The following PTGFRN variants were observed in gnomAD, a reference collection of about 807,000 sequenced individuals.
PTGFRN encodes the protein prostaglandin F2 receptor negative regulator.
In PTGFRN, 35 loss-of-function variants were observed where a neutral mutation model predicts 83.2. The observed-to-expected ratio is 0.42, with a 90% CI of 0.32 to 0.56. The LOEUF is 0.56. Ranked by LOEUF, PTGFRN falls within the 20% of genes least tolerant of loss-of-function variation. The pLI is 0.11. For missense variants in PTGFRN, 1,051 were observed against 1,179.5 expected, an observed-to-expected ratio of 0.89 and a Z score of 1.60; for synonymous variants, 519 against 498.6, an observed-to-expected ratio of 1.04 and a Z score of -0.55.
chr1:116,946,579 A>G (rs1650207772), intron 3 of PTGFRN, among the ~76,000 whole-genome samples: 2 of 152,362 alleles, frequency 1.3e-5, no homozygotes, highest in African/African-American at 2.4e-5. Flanking sequence ...CAAACACACC[A>G]TGAGACCTAT....
Position 116,952,172 on chromosome 1 carries a change from A to T in PTGFRN, c.1213+2600A>T, listed in dbSNP as rs1165766835. On this transcript the variant is annotated intron_variant, in intron 4 of 8. Coordinates refer to ENST00000393203, the MANE Select transcript of PTGFRN (RefSeq NM_020440.4). The surrounding 1 kb of genome is among the most constrained non-coding windows in gnomAD (Gnocchi z 4.0). ...TATATGCATTAAATGTTCAATGTGA[A>T]AATATTTTTGGCCTTGGGACTCAGC... Among the ~76,000 whole-genome samples the T allele has an allele frequency of 6.6e-6, 1 of 152,214 alleles. No homozygotes were observed. The highest frequency in any genetic ancestry group is 1.5e-5 in the Non-Finnish European group (1 of 68,032).
At chr1:116,979,637 A>G (rs1254383850) in intron 7 of PTGFRN, among the ~76,000 whole-genome samples, 1 of 152,228 alleles carries the variant, frequency 6.6e-6, no homozygotes, top group Non-Finnish European at 1.5e-5. Flanking sequence ...TCCCTATTTA[A>G]TAAATGGTGC....
At chr1:116,962,894 C>T (rs1356362415) in intron 5 of PTGFRN, among the ~76,000 whole-genome samples, 3 of 152,162 alleles carry the variant, frequency 2.0e-5, no homozygotes. Context: ...CCAGCGTACA[C>T]CTGGAATGGT....
At position 116,923,935 on chromosome 1, in the gene PTGFRN, G is replaced by C. The variant is rs146815594; in HGVS notation, c.49+13683G>C. On this transcript the variant is annotated intron_variant, in intron 1 of 8. Coordinates refer to ENST00000393203, the MANE Select transcript of PTGFRN (RefSeq NM_020440.4). The surrounding 1 kb of genome is among the most constrained non-coding windows in gnomAD (Gnocchi z 4.0). Reference sequence around the variant, plus strand: ...TCCTCCAGCAACCAGTCTAAATGTGGAGGATGACACACACACAGGAAGAGA... The same window carrying C: ...TCCTCCAGCAACCAGTCTAAATGTGCAGGATGACACACACACAGGAAGAGA... 4.6e-5 allele frequency among the ~76,000 whole-genome samples: 7 copies of C among 152,120 alleles called. No homozygotes were observed. Among genetic ancestry groups the C allele is most frequent in the Admixed American group, 1.3e-4 (2 of 15,266 alleles).
intron 5 of PTGFRN, among the ~76,000 whole-genome samples, chr1:116,965,912 A>G (rs1162780553): frequency 6.6e-6 from 1 of 152,228 alleles, no homozygotes; most frequent in Non-Finnish European, 1.5e-5. Context: ...AGGAAAATCA[A>G]GAAAGAATGT....
At chr1:116,972,203 A>T (rs184476153) in intron 6 of PTGFRN, among the ~76,000 whole-genome samples, 33 of 152,308 alleles carry the variant, frequency 2.2e-4, no homozygotes, top group Non-Finnish European at 3.8e-4. Flanking sequence ...AGTTAATTGA[A>T]GGGGATGATG....
At chr1:116,972,264 T>G (rs2101083767) in intron 6 of PTGFRN, among the ~76,000 whole-genome samples, 1 of 152,312 alleles carries the variant, frequency 6.6e-6, no homozygotes, top group South Asian at 2.1e-4. Flanking sequence ...CTTTCCCCAT[T>G]TCCTGGAACA....
At chr1:116,913,226 G>A (rs1258571562) in intron 1 of PTGFRN, among the ~76,000 whole-genome samples, 2 of 152,206 alleles carry the variant, frequency 1.3e-5, no homozygotes, top group African/African-American at 4.8e-5. Flanking sequence ...TTTGACTTGG[G>A]GGTTGGGGCT....
Position 116,961,202 on chromosome 1 carries a change from C to G in PTGFRN, c.1214-41C>G, listed in dbSNP as rs776199912. 1.0e-4 allele frequency: 149 copies of G among 1,486,718 alleles called. No individual in the cohort carries two copies. Among genetic ancestry groups the G allele is most frequent in the Admixed American group, 5.1e-4 (22 of 42,738 alleles). The allele number at this position is 1,486,718 out of a possible 1,614,324, so 92.1% of individuals were successfully genotyped here. A position where few individuals can be genotyped will look rare whatever the true frequency, so the allele number is the denominator to read the frequency against. On this transcript the variant is annotated intron_variant, in intron 4 of 8. Transcript: ENST00000393203. The surrounding 1 kb of genome is among the most constrained non-coding windows in gnomAD (Gnocchi z 5.4). ...TTTTGTTAATTCTTGCCATGTTACT[C>G]TAATTATTTTCCTATCCTGGCCTTT...
At chr1:116,933,735 C>T (rs1557961102) in intron 1 of PTGFRN, among the ~76,000 whole-genome samples, 1 of 152,138 alleles carries the variant, frequency 6.6e-6, no homozygotes, top group East Asian at 1.9e-4. Flanking sequence ...TACTTCCTTT[C>T]ATCACTTTAA....
chr1:116,988,811 C>T lies in PTGFRN; in HGVS notation c.*1844C>T, dbSNP rs543193878. 6.6e-6 allele frequency: 1 copy of T among 152,558 alleles called. No homozygotes were observed. Among genetic ancestry groups the T allele is most frequent in the Admixed American group, 6.5e-5 (1 of 15,276 alleles). The allele number at this position is 152,558 out of a possible 1,614,324, so 9.5% of individuals were successfully genotyped here. A position where few individuals can be genotyped will look rare whatever the true frequency, so the allele number is the denominator to read the frequency against. On this transcript the variant is annotated 3_prime_UTR_variant, in exon 9 of 9. Transcript: ENST00000393203. ...TGCATTGACAGTAGCCTTTCCTTGG[C>T]CCGGGCCTGTGGTGGGAAGACGGGC...
chr1:116,910,352 T>C, intron 1 of PTGFRN, 100 bp downstream of exon 1: 3 of 1,051,284 alleles, frequency 2.9e-6, no homozygotes, highest in Non-Finnish European at 3.6e-6. Flanking sequence ...GCGCCGAGGG[T>C]GCCCGGGCTG....
intron 1 of PTGFRN, among the ~76,000 whole-genome samples, chr1:116,924,368 A>G (rs760851051): frequency 2.0e-5 from 3 of 151,612 alleles, no homozygotes; most frequent in Non-Finnish European, 4.4e-5. Flanking sequence ...GCTGGTCTTG[A>G]ACTCCTGACC....
rs1649393308 is a variant in PTGFRN at position 116,915,875 on chromosome 1, TAACTTG to T, written c.49+5628_49+5633del. ...GTCATTTGACTCTGCTTTGGGAAAA[TAACTTG>T]AACTGGCAAAAATTCTTCATAATTT... On this transcript the variant is annotated intron_variant, in intron 1 of 8. Transcript: ENST00000393203. Among the ~76,000 whole-genome samples the T allele has an allele frequency of 3.3e-5, 5 of 152,314 alleles. No homozygotes were observed. The South Asian group carries it at 1.0e-3, about 32-fold the overall frequency.
At chr1:116,910,665 G>T (rs1323458874) in intron 1 of PTGFRN, among the ~76,000 whole-genome samples, 1 of 152,004 alleles carries the variant, frequency 6.6e-6, no homozygotes, top group African/African-American at 2.4e-5. Context: ...CCTTTGATAT[G>T]CCCCGCCATA....
intron 6 of PTGFRN, among the ~76,000 whole-genome samples, chr1:116,973,604 CAA>C (rs547665093): frequency 0.22 from 23,011 of 106,812 alleles, 1,977 homozygotes; most frequent in Middle Eastern, 0.34. Flanking sequence ...GACTCAATCT[CAA>C]AAAAAAAAAA....
At chr1:116,945,360 A>G (rs895562808) in intron 3 of PTGFRN, among the ~76,000 whole-genome samples, 3 of 152,188 alleles carry the variant, frequency 2.0e-5, no homozygotes, top group Middle Eastern at 3.2e-3. Context: ...CAGCCTGCAC[A>G]TAACACGAAG....
At chr1:116,949,841 T>C (rs187584094) in intron 4 of PTGFRN, among the ~76,000 whole-genome samples, 1 of 152,290 alleles carries the variant, frequency 6.6e-6, no homozygotes. Context: ...ATTTGCAGGG[T>C]CAGGGCACTG....
intron 4 of PTGFRN, among the ~76,000 whole-genome samples, chr1:116,959,589 A>G (rs1262618417): frequency 3.9e-5 from 6 of 152,234 alleles, no homozygotes. Context: ...GATCAAGGTG[A>G]TGCAGATAAA....
Sources: allele counts gnomAD v4.1 joint callset (sites outside exome capture counted in the v4.1 genomes callset), GRCh38; gene constraint gnomAD v4.1.1; non-coding constraint Gnocchi (gnomAD v3.1); transcripts MANE v1.5; gene names NCBI Gene and HGNC (gene_info 2026-07-23, HGNC 2026-07-21).